The following SYT14 variants were observed in gnomAD, a reference collection of about 807,000 sequenced individuals.
The protein encoded by SYT14 is synaptotagmin-14.
A neutral mutation model predicts 74.2 loss-of-function variants in SYT14; 32 were observed. The observed-to-expected ratio is 0.43, with a 90% confidence interval of 0.33 to 0.58. The LOEUF (loss-of-function observed/expected upper bound fraction) is 0.58, where lower values mean the gene tolerates loss of function less well. Among genes scored for constraint, SYT14 ranks in the 20% least tolerant of loss-of-function variants. The pLI is 0.05. For synonymous variants in SYT14, 298 were observed against 337.7 expected (o/e 0.88, Z 1.29); for missense variants, 791 against 981.8 (o/e 0.81, Z 2.60).
At chr1:210,090,677 TG>T (rs2081849028) in intron 5 of SYT14, among the ~76,000 whole-genome samples, 1 of 152,190 alleles carries the variant, frequency 6.6e-6, no homozygotes, top group South Asian at 2.1e-4. Flanking sequence ...CATCATCACG[TG>T]GTGTTTGATA....
intron 5 of SYT14, among the ~76,000 whole-genome samples, chr1:210,053,683 A>G (rs1355206363): frequency 1.3e-5 from 2 of 152,204 alleles, no homozygotes; most frequent in South Asian, 2.1e-4. Context: ...GATTGTGTCT[A>G]TAGTTTGAGT....
Position 210,017,138 on chromosome 1 carries a change from CT to C in SYT14, c.1096+40del, listed in dbSNP as rs1334078739. On this transcript the variant is annotated intron_variant, in intron 4 of 9. Coordinates refer to ENST00000637265, the Ensembl canonical transcript of SYT14. ...ATGTTGGTGTGAGTGATTAAATTTT[CT>C]CTTGATTTTTTTTAAATTAGTAAAA... 3.7e-6 allele frequency: 4 copies of C among 1,093,978 alleles called. No individual in the cohort carries two copies. The East Asian group carries it at 1.5e-4, about 41-fold the overall frequency. 67.8% of individuals were successfully genotyped at this position (1,093,978 alleles called of 1,614,324 possible).
chr1:210,108,709 G>A (rs1265436024), intron 7 of SYT14, among the ~76,000 whole-genome samples: 1 of 152,144 alleles, frequency 6.6e-6, no homozygotes, highest in African/African-American at 2.4e-5. Flanking sequence ...AAGTGTTAGA[G>A]TATTTTCAAG....
At chr1:210,116,095 G>A (rs2102595986) in intron 7 of SYT14, among the ~76,000 whole-genome samples, 1 of 151,988 alleles carries the variant, frequency 6.6e-6, no homozygotes, top group African/African-American at 2.4e-5. Context: ...AATTTCACAA[G>A]GTAATGTCAT....
At position 210,000,613 on chromosome 1, in the gene SYT14, C is replaced by CTTTTTTTTTTTTTTTTTTT. The variant is rs71146203; in HGVS notation, c.-485-13019_-485-13001dup. Among the ~76,000 whole-genome samples the CTTTTTTTTTTTTTTTTTTT allele has an allele frequency of 1.9e-4, 20 of 105,422 alleles. 2 individuals are homozygous for CTTTTTTTTTTTTTTTTTTT. The highest frequency in any genetic ancestry group is 8.8e-4 in the East Asian group (3 of 3,424). 69.2% of individuals were successfully genotyped at this position (105,422 alleles called of 152,430 possible). On this transcript the variant is annotated intron_variant, in intron 2 of 9. Coordinates refer to ENST00000637265, the Ensembl canonical transcript of SYT14. ...TTTCATTAGGGCTGTTTTATGCCTT[C>CTTTTTTTTTTTTTTTTTTT]TTTTTTTTTTTTTTTTTTTGAGATA...
At chr1:210,145,300 C>T (rs766018851) in intron 7 of SYT14, among the ~76,000 whole-genome samples, 2 of 152,198 alleles carry the variant, frequency 1.3e-5, no homozygotes, top group Non-Finnish European at 2.9e-5. Flanking sequence ...CCTGCTCAAG[C>T]ACTCAGTCAT....
chr1:210,092,244 G>A (rs1420511644), intron 5 of SYT14, among the ~76,000 whole-genome samples: 4 of 151,976 alleles, frequency 2.6e-5, no homozygotes, highest in African/African-American at 4.8e-5. Context: ...TTCAGATACC[G>A]GGCTTTTCAT....
intron 7 of SYT14, among the ~76,000 whole-genome samples, chr1:210,124,451 T>G (rs2082528028): frequency 6.6e-6 from 1 of 152,150 alleles, no homozygotes. Context: ...CTGAAGAGCT[T>G]GTCTCCAAAT....
chr1:209,983,094 A>G (rs1477749787), intron 2 of SYT14, among the ~76,000 whole-genome samples: 5 of 151,898 alleles, frequency 3.3e-5, no homozygotes, highest in Non-Finnish European at 2.9e-5. Context: ...TTTTTGAAAC[A>G]GTCCTTTATC....
intron 2 of SYT14, among the ~76,000 whole-genome samples, chr1:209,993,289 TGG>T (rs2079727318): frequency 6.6e-6 from 1 of 152,232 alleles, no homozygotes; most frequent in Non-Finnish European, 1.5e-5. Flanking sequence ...TGCCCCTCCT[TGG>T]ACACATGCCT....
intron 2 of SYT14, among the ~76,000 whole-genome samples, chr1:210,010,212 A>G (rs1163803780): frequency 6.6e-6 from 1 of 152,172 alleles, no homozygotes; most frequent in Non-Finnish European, 1.5e-5. Context: ...ATGATATTCA[A>G]GGTTCTTTGA....
rs543865615 is a variant in SYT14 at position 210,016,212 on chromosome 1, C to G, written c.209C>G (p.Ser70Cys). 378 of 1,231,984 alleles carry G rather than the reference C, an allele frequency of 3.1e-4. 1 individual carries two copies. The African/African-American group carries it at 5.4e-3, about 18-fold the overall frequency. The allele number at this position is 1,231,984 out of a possible 1,614,324, so 76.3% of individuals were successfully genotyped here. A position where few individuals can be genotyped will look rare whatever the true frequency, so the allele number is the denominator to read the frequency against. The change falls in exon 4 of 10, where the codon TCT becomes TGT. Residue 70 changes from serine to cysteine, a missense_variant. Ser to Cys is a moderately radical substitution (Grantham distance 112, BLOSUM62 -1). Transcript: ENST00000637265. ...GTAGCAGAAGAAGCTGTAGACACTTCTAAACAAAAAAATGCCGGGTTAACA... is the reference window on the plus strand; with the variant it reads ...GTAGCAGAAGAAGCTGTAGACACTTGTAAACAAAAAAATGCCGGGTTAACA...
intron 2 of SYT14, among the ~76,000 whole-genome samples, chr1:209,960,734 G>A (rs1484746709): frequency 6.6e-6 from 1 of 152,160 alleles, no homozygotes; most frequent in African/African-American, 2.4e-5. Flanking sequence ...TGAGAGCAAA[G>A]GCTTGTATGA....
chr1:210,016,235 A>C lies in SYT14; in HGVS notation c.232A>C (p.Thr78Pro), dbSNP rs1216710086. The change falls in exon 4 of 10, where the codon ACA (threonine) becomes CCA (proline). Residue 78 changes from threonine (T) to proline (P), a missense_variant. Physicochemically the swap from Thr to Pro is conservative, Grantham distance 38. Transcript: ENST00000637265. ...TTCTAAACAAAAAAATGCCGGGTTAACAGAAGTCTCCAAAAACACTAATTG... is the reference window on the plus strand; with the variant it reads ...TTCTAAACAAAAAAATGCCGGGTTACCAGAAGTCTCCAAAAACACTAATTG... The C allele has an allele frequency of 3.2e-6, 4 of 1,232,038 alleles. No homozygotes were observed. The African/African-American group carries it at 6.2e-5, about 19-fold the overall frequency. 76.3% of individuals were successfully genotyped at this position (1,232,038 alleles called of 1,614,324 possible). A position where few individuals can be genotyped will look rare whatever the true frequency, so the allele number is the denominator to read the frequency against.
intron 2 of SYT14, among the ~76,000 whole-genome samples, chr1:209,984,962 C>T (rs558573622): frequency 2.6e-5 from 4 of 152,266 alleles, no homozygotes; most frequent in African/African-American, 9.6e-5. Flanking sequence ...GCCCTCAGTA[C>T]CTAAACACCT....
chr1:209,943,371 G>A (rs2078767643), intron 1 of SYT14, among the ~76,000 whole-genome samples: 1 of 151,972 alleles, frequency 6.6e-6, no homozygotes, highest in Admixed American at 6.6e-5. Context: ...TGGGTGTAGT[G>A]GCGCATACCT....
intron 5 of SYT14, among the ~76,000 whole-genome samples, chr1:210,073,687 G>A (rs1408344091): frequency 1.3e-5 from 2 of 151,344 alleles, no homozygotes; most frequent in Admixed American, 1.3e-4. Context: ...TATGTTTTGG[G>A]TTTTTGTTTT....
At chr1:209,994,037 C>G (rs1197871222) in intron 2 of SYT14, among the ~76,000 whole-genome samples, 1 of 152,162 alleles carries the variant, frequency 6.6e-6, no homozygotes, top group African/African-American at 2.4e-5. Context: ...CTGCAGAACA[C>G]CAACCCTCCA....
intron 5 of SYT14, among the ~76,000 whole-genome samples, chr1:210,026,640 A>ACACACG (rs1482608503): frequency 1.3e-5 from 2 of 150,498 alleles, no homozygotes; most frequent in Non-Finnish European, 3.0e-5. Flanking sequence ...ACACACACAC[A>ACACACG]CACTCACCCC....
Sources: gnomAD v4.1 joint callset for allele counts (sites outside exome capture counted in the v4.1 genomes callset) on GRCh38, gnomAD v4.1.1 for gene constraint, MANE v1.5 for transcripts, NCBI Gene and HGNC (gene_info 2026-07-23, HGNC 2026-07-21) for gene names.